Variants in KCNAB2 observed in about 807,000 individuals in gnomAD.
KCNAB2 encodes voltage-gated potassium channel subunit beta-2.
In KCNAB2, 29 loss-of-function variants were observed where a neutral mutation model predicts 63.6. That is an observed-to-expected ratio of 0.46 (90% CI 0.34 to 0.62). The LOEUF is 0.62. Ranked by LOEUF, KCNAB2 falls within the 20% of genes least tolerant of loss-of-function variation. KCNAB2 has a pLI of 0.01. For missense variants in KCNAB2, 359 were observed against 563.9 expected (o/e 0.64, Z 3.68); for synonymous variants, 222 against 224.2 (o/e 0.99, Z 0.09).
chr1:6,091,947 G>A (rs1390748725), intron 10 of KCNAB2, among the ~76,000 whole-genome samples: 2 of 152,182 alleles, frequency 1.3e-5, no homozygotes, highest in Non-Finnish European at 2.9e-5. Context: ...AAACCAGGGG[G>A]TGGCCTCTGG....
intron 2 of KCNAB2, 143 bp from the exon 3 acceptor site, chr1:6,072,612 G>C: frequency 1.2e-6 from 1 of 859,318 alleles, no homozygotes; most frequent in Non-Finnish European, 1.9e-6. Context: ...GCACCTCTCT[G>C]AAGGTCCCCG....
At chr1:6,058,818 C>G (rs919762715) in intron 2 of KCNAB2, among the ~76,000 whole-genome samples, 1 of 152,220 alleles carries the variant, frequency 6.6e-6, no homozygotes, top group Non-Finnish European at 1.5e-5. Context: ...GGGAGAAAGC[C>G]AGCTGGCAGG....
intron 1 of KCNAB2, among the ~76,000 whole-genome samples, chr1:5,995,026 C>G (rs559772738): frequency 6.6e-6 from 1 of 152,164 alleles, no homozygotes; most frequent in Non-Finnish European, 1.5e-5. Context: ...GCTTCTGTTT[C>G]CAGGGACTCT....
chr1:6,021,289 G>A (rs947039646), intron 1 of KCNAB2, among the ~76,000 whole-genome samples: 1 of 152,150 alleles, frequency 6.6e-6, no homozygotes, highest in African/African-American at 2.4e-5. Context: ...TTTCAGGCAC[G>A]AGCCACCATG....
upstream of KCNAB2, among the ~76,000 whole-genome samples, chr1:6,029,821 G>A (rs1295102): frequency 0.069 from 10,516 of 152,236 alleles, 445 homozygotes; most frequent in Admixed American, 0.14. Flanking sequence ...CAGACTGATC[G>A]CCTCAGGTCA....
Position 6,087,397 on chromosome 1 carries a change from C to T in KCNAB2, c.426-70C>T, listed in dbSNP as rs566998610. ...AGGACCTCTGTGTGAGAGATGAGGA[C>T]GTCGGGGATGAAGGAGGACCCCCCA... is the stretch of plus-strand genomic sequence containing the variant. On this transcript the variant is annotated intron_variant, in intron 6 of 15. Coordinates refer to ENST00000378083, the MANE Select transcript of KCNAB2 (RefSeq NM_001199862.2). The surrounding 1 kb of genome is among the most constrained non-coding windows in gnomAD (Gnocchi z 6.4). The T allele has an allele frequency of 9.5e-5, 145 of 1,522,760 alleles. 1 individual carries two copies. The highest frequency in any genetic ancestry group is 8.0e-4 in the Admixed American group (48 of 59,894). 94.3% of individuals were successfully genotyped at this position (1,522,760 alleles called of 1,614,324 possible).
intron 1 of KCNAB2, among the ~76,000 whole-genome samples, chr1:6,008,035 A>C (rs931705207): frequency 6.6e-6 from 1 of 152,122 alleles, no homozygotes; most frequent in Non-Finnish European, 1.5e-5. Context: ...CCTCTGAGGG[A>C]GCTGATGAGT....
In KCNAB2 at chr1:6,006,745, T is replaced by C. The variant is rs563282332; in HGVS notation, c.-53+13957T>C. 4.8e-5 allele frequency among the ~76,000 whole-genome samples: 7 copies of C among 145,408 alleles called. No individual in the cohort carries two copies. In the South Asian group the frequency reaches 1.4e-3, roughly 29 times the overall value. On this transcript the variant is annotated intron_variant, in intron 1 of 16. Transcript: ENST00000341524. ...CAGCTCAGCTCCCACATTCCCCTAC[T>C]CCACCCTCACCCCTCAGTGCTCTGT...
chr1:6,021,228 G>A (rs1361671564), intron 1 of KCNAB2, among the ~76,000 whole-genome samples: 1 of 152,004 alleles, frequency 6.6e-6, no homozygotes, highest in African/African-American at 2.4e-5. Flanking sequence ...AAGTTCCTGG[G>A]CTCAAGCGAT....
At chr1:6,064,434 T>G (rs1442937008) in intron 2 of KCNAB2, among the ~76,000 whole-genome samples, 1 of 152,150 alleles carries the variant, frequency 6.6e-6, no homozygotes, top group African/African-American at 2.4e-5. Flanking sequence ...GTTGAAAAAT[T>G]CTGTTAGATA....
chr1:6,035,206 C>G lies in KCNAB2; in HGVS notation c.-53+412C>G, dbSNP rs1415768333. On this transcript the variant is annotated intron_variant, in intron 1 of 15. Coordinates refer to the KCNAB2 transcript ENST00000164247. The surrounding 1 kb of genome is among the most constrained non-coding windows in gnomAD (Gnocchi z 5.0). Reference sequence around the variant, plus strand: ...GAGTCTGTCTGCTGGGTTCACAGACCCCCAGGGAGCCAGTGTGGCAGGGGC... The same window carrying G: ...GAGTCTGTCTGCTGGGTTCACAGACGCCCAGGGAGCCAGTGTGGCAGGGGC... Among the ~76,000 whole-genome samples the G allele has an allele frequency of 6.6e-6, 1 of 151,852 alleles. No individual in the cohort carries two copies. The highest frequency in any genetic ancestry group is 1.5e-5 in the Non-Finnish European group (1 of 67,970).
At chr1:6,012,723 A>T (rs966661851) in intron 1 of KCNAB2, among the ~76,000 whole-genome samples, 2 of 145,704 alleles carry the variant, frequency 1.4e-5, no homozygotes, top group African/African-American at 4.9e-5. Flanking sequence ...GGTAGAGGTC[A>T]TGGTGGAGGT....
intron 4 of KCNAB2, among the ~76,000 whole-genome samples, chr1:6,076,342 CA>C (rs1328054429): frequency 6.6e-6 from 1 of 152,184 alleles, no homozygotes; most frequent in Non-Finnish European, 1.5e-5. Context: ...ATGAAGGGAT[CA>C]AACTATGCTA....
chr1:6,043,605 A>G (rs918143372), upstream of KCNAB2, among the ~76,000 whole-genome samples: 1 of 152,126 alleles, frequency 6.6e-6, no homozygotes, highest in Admixed American at 6.5e-5. Flanking sequence ...GATGACCTCT[A>G]AGGGCTAGGG....
chr1:6,021,873 C>T (rs985417639), intron 1 of KCNAB2, among the ~76,000 whole-genome samples: 4 of 151,380 alleles, frequency 2.6e-5, no homozygotes, highest in African/African-American at 9.8e-5. Flanking sequence ...GGGTATGGTT[C>T]AGTGGTATTG....
At chr1:6,033,262 T>TG (rs1296916091), upstream of KCNAB2, among the ~76,000 whole-genome samples, 1 of 150,918 alleles carries the variant, frequency 6.6e-6, no homozygotes. Flanking sequence ...TGTGTGTGTG[T>TG]GCCTGTGTGC....
At chr1:6,016,932 G>A (rs190452721) in intron 1 of KCNAB2, among the ~76,000 whole-genome samples, 2 of 152,322 alleles carry the variant, frequency 1.3e-5, no homozygotes, top group East Asian at 3.9e-4. Flanking sequence ...ATCCCCAGGA[G>A]AGGAGGTTAT....
chr1:6,090,782 C>T (rs935989153), intron 9 of KCNAB2, among the ~76,000 whole-genome samples: 5 of 152,172 alleles, frequency 3.3e-5, no homozygotes, highest in Non-Finnish European at 5.9e-5. Flanking sequence ...CTCCCCTCTG[C>T]GGCTGCTATT....
chr1:6,023,399 A>G (rs1570882351), intron 1 of KCNAB2, among the ~76,000 whole-genome samples: 1 of 150,710 alleles, frequency 6.6e-6, no homozygotes, highest in Admixed American at 6.6e-5. Context: ...TGGCTGTACC[A>G]TTTTACATTC....
Sources: gnomAD v4.1 joint callset for allele counts (sites outside exome capture counted in the v4.1 genomes callset) on GRCh38, gnomAD v4.1.1 for gene constraint, Gnocchi (gnomAD v3.1) non-coding constraint, MANE v1.5 for transcripts, NCBI Gene and HGNC (gene_info 2026-07-23, HGNC 2026-07-21) for gene names.